Variants in REPS2 observed in about 807,000 individuals in gnomAD.
The protein encoded by REPS2 is ralBP1-associated Eps domain-containing protein 2.
A neutral mutation model predicts 53.6 loss-of-function variants in REPS2; 23 were observed. The observed-to-expected ratio is 0.43, with a 90% CI of 0.31 to 0.61. The LOEUF is 0.61. Among genes scored for constraint, REPS2 ranks in the 20% least tolerant of loss-of-function variants. The pLI is 0.11. For missense variants in REPS2, 446 were observed against 534.9 expected (o/e 0.83, Z 1.64); for synonymous variants, 238 against 218.6 (o/e 1.09, Z -0.78).
At chrX:17,167,576 C>T in the REPS2 span, among the ~76,000 whole-genome samples, 1 of 107,453 alleles carries the variant, frequency 9.3e-6, no homozygotes, top group Non-Finnish European at 1.9e-5. Flanking sequence ...ATATATACAA[C>T]TAGATTAAAA....
intron 14 of REPS2, among the ~76,000 whole-genome samples, chrX:17,109,970 T>A (rs1422911078): frequency 8.9e-6 from 1 of 112,600 alleles, no homozygotes; most frequent in Non-Finnish European, 1.9e-5. Flanking sequence ...AACACCATTT[T>A]AAATACTCTA....
At chrX:17,060,427 G>A (rs1368436598) in intron 8 of REPS2, among the ~76,000 whole-genome samples, 4 of 112,082 alleles carry the variant, frequency 3.6e-5, no homozygotes, top group South Asian at 3.7e-4. Flanking sequence ...TACTTACTGC[G>A]TGAGAGGTAC....
Position 16,947,032 on chromosome X carries a change from C to T in REPS2, c.171C>T (p.Pro57=). 1 of 990,410 alleles carries T rather than the reference C, an allele frequency of 1.0e-6. No homozygotes were observed. The highest frequency in any genetic ancestry group is 4.3e-5 in the East Asian group (1 of 23,245). 81.6% of individuals were successfully genotyped at this position (990,410 alleles called of 1,213,427 possible). The change falls in exon 1 of 18, where the codon CCC becomes CCT. Residue 57 remains proline, a synonymous_variant. Coordinates refer to ENST00000357277, the MANE Select transcript of REPS2 (RefSeq NM_004726.3). ...GAAGGGPGSG[P]PEAARVAPGT... is the part of the protein sequence containing the mutation. ...CGGGCGGGGGCCCCGGGTCTGGGCCCCCCGAGGCCGCCAGAGTCGCCCCCG... is the reference window on the plus strand; with the variant it reads ...CGGGCGGGGGCCCCGGGTCTGGGCCTCCCGAGGCCGCCAGAGTCGCCCCCG...
chrX:17,139,544 G>A (rs1008942662), intron 17 of REPS2, among the ~76,000 whole-genome samples: 5 of 111,041 alleles, frequency 4.5e-5, no homozygotes, highest in Non-Finnish European at 9.4e-5. Context: ...TCTCGGGGCT[G>A]CTATAACAAA....
At chrX:17,098,597 T>G (rs1191948413) in intron 13 of REPS2, among the ~76,000 whole-genome samples, 1 of 79,723 alleles carries the variant, frequency 1.3e-5, no homozygotes, top group African/African-American at 4.8e-5. Flanking sequence ...TTAGGATTTG[T>G]TAAAAAATGG....
At chrX:17,107,817 A>G (rs1246845218) in intron 14 of REPS2, among the ~76,000 whole-genome samples, 1 of 112,655 alleles carries the variant, frequency 8.9e-6, no homozygotes, top group Non-Finnish European at 1.9e-5. Flanking sequence ...TCAGCTCAGA[A>G]GAGGTGACTT....
chrX:17,048,518 T>C (rs1321016323), intron 6 of REPS2, among the ~76,000 whole-genome samples: 2 of 112,796 alleles, frequency 1.8e-5, no homozygotes, highest in Admixed American at 9.4e-5. Flanking sequence ...TTAACTTTTG[T>C]ATCTTGCAGA....
intron 14 of REPS2, among the ~76,000 whole-genome samples, chrX:17,106,665 C>T (rs772557299): frequency 2.1e-4 from 23 of 111,308 alleles, no homozygotes; most frequent in Non-Finnish European, 3.8e-4. Flanking sequence ...CCACCTGCCT[C>T]GGCCTTCCAA....
chrX:17,049,516 AT>A (rs748031960), intron 6 of REPS2, among the ~76,000 whole-genome samples: 85 of 112,374 alleles, frequency 7.6e-4, no homozygotes, highest in Non-Finnish European at 1.3e-3. Flanking sequence ...TGGTAAAAAA[AT>A]TAAAAATTTT....
At chrX:17,070,041 TAAAA>T in intron 11 of REPS2, 48 bp downstream of exon 11, 5 of 663,426 alleles carry the variant, frequency 7.5e-6, no homozygotes, top group South Asian at 4.1e-5. Flanking sequence ...TATTTTAAAA[TAAAA>T]AAACAGCAAG....
chrX:17,037,505 G>A (rs1484180454), intron 5 of REPS2, among the ~76,000 whole-genome samples: 1 of 112,008 alleles, frequency 8.9e-6, no homozygotes, highest in Non-Finnish European at 1.9e-5. Context: ...TAGTAGAGAC[G>A]GGGTTTCACC....
At chrX:17,101,366 T>G (rs891875768) in intron 13 of REPS2, among the ~76,000 whole-genome samples, 12 of 111,283 alleles carry the variant, frequency 1.1e-4, no homozygotes, top group Non-Finnish European at 1.7e-4. Context: ...CAGGCCTCTA[T>G]GCCAACTCTT....
chrX:17,039,165 G>A (rs1019163578), intron 5 of REPS2, among the ~76,000 whole-genome samples: 1 of 111,835 alleles, frequency 8.9e-6, no homozygotes, highest in African/African-American at 3.2e-5. Flanking sequence ...AGCCTTGTCA[G>A]AGTCTCCTCT....
chrX:17,183,194 G>A, the REPS2 span, among the ~76,000 whole-genome samples: 1 of 111,902 alleles, frequency 8.9e-6, no homozygotes, highest in Admixed American at 9.4e-5. Context: ...TGTAAAAACA[G>A]GAATTATGAA....
In REPS2 at chrX:17,100,211, A is replaced by G. The variant is rs1047369526; in HGVS notation, c.1517-3507A>G. 66 of 594,033 alleles carry G rather than the reference A, an allele frequency of 1.1e-4. No individual in the cohort carries two copies. The Admixed American group carries it at 1.4e-3, about 12-fold the overall frequency. The allele number at this position is 594,033 out of a possible 1,213,427, so 49.0% of individuals were successfully genotyped here. A position where few individuals can be genotyped will look rare whatever the true frequency, so the allele number is the denominator to read the frequency against. On this transcript the variant is annotated intron_variant, in intron 13 of 17. Coordinates refer to ENST00000357277, the MANE Select transcript of REPS2 (RefSeq NM_004726.3). ...TCCCTTCCACTTTAGGAGGTACTCC[A>G]CTTTGCCCTTTACCAATCGACGGTA...
chrX:16,954,476 C>T (rs2060566638), intron 1 of REPS2, among the ~76,000 whole-genome samples: 1 of 111,612 alleles, frequency 9.0e-6, no homozygotes, highest in African/African-American at 3.3e-5. Context: ...AAGGAAGGAA[C>T]CAGGGTGGGC....
chrX:17,083,113 C>T (rs1344885270), intron 13 of REPS2, among the ~76,000 whole-genome samples: 1 of 87,914 alleles, frequency 1.1e-5, no homozygotes, highest in East Asian at 3.6e-4. Context: ...GATGAAGTCT[C>T]GTTCTGTCAC....
intron 14 of REPS2, among the ~76,000 whole-genome samples, chrX:17,126,099 T>C (rs879223376): frequency 8.9e-6 from 1 of 112,476 alleles, no homozygotes; most frequent in Admixed American, 9.4e-5. Context: ...GCCTAAACTA[T>C]TATAATTAAC....
At chrX:16,974,882 A>G (rs753525688) in intron 1 of REPS2, among the ~76,000 whole-genome samples, 10 of 109,291 alleles carry the variant, frequency 9.1e-5, no homozygotes, top group Admixed American at 2.0e-4. Flanking sequence ...CCATCCTCCA[A>G]TAGGCCTCAG....
Sources: allele counts gnomAD v4.1 joint callset (sites outside exome capture counted in the v4.1 genomes callset), GRCh38; gene constraint gnomAD v4.1.1; transcripts MANE v1.5; gene names NCBI Gene and HGNC (gene_info 2026-07-23, HGNC 2026-07-21).